The following ARHGEF2 variants were observed in gnomAD, a reference collection of about 807,000 sequenced individuals.
ARHGEF2 encodes Rho/Rac guanine nucleotide exchange factor 2, also known as rho guanine nucleotide exchange factor 2.
ARHGEF2 carries 22 observed loss-of-function variants against 121.0 expected under a neutral mutation model. The ratio of observed to expected loss-of-function variants is 0.18; its 90% confidence interval spans 0.13 to 0.26. ARHGEF2 has a LOEUF of 0.26. Ranked by LOEUF, ARHGEF2 falls within the 10% of genes least tolerant of loss-of-function variation. ARHGEF2 has a pLI of 1.00. For synonymous variants in ARHGEF2, 487 were observed against 530.0 expected (o/e 0.92, Z 1.11); for missense variants, 907 against 1,336.0 (o/e 0.68, Z 5.01).
chr1:155,976,485 G>C (rs1328777486), intron 1 of ARHGEF2, among the ~76,000 whole-genome samples: 2 of 145,612 alleles, frequency 1.4e-5, no homozygotes, highest in Non-Finnish European at 3.0e-5. Context: ...CCCCATAGTA[G>C]AAAGAAGAGC....
upstream of ARHGEF2, chr1:155,978,622 C>A (rs1681781657): frequency 6.4e-6 from 8 of 1,242,438 alleles, no homozygotes; most frequent in South Asian, 1.7e-4. This position sits in a 1 kb window ranked among gnomAD's most constrained non-coding sequence, Gnocchi z 4.1. Context: ...AGGGGGTAGG[C>A]GGAGCGGAGG....
rs1674547032 is a variant in ARHGEF2 at position 155,947,159 on chromosome 1, C to G, written c.*783G>C. 2.8e-6 allele frequency: 1 copy of G among 359,468 alleles called. No homozygotes were observed. Among genetic ancestry groups the G allele is most frequent in the Non-Finnish European group, 5.5e-6 (1 of 182,112 alleles). 22.3% of individuals were successfully genotyped at this position (359,468 alleles called of 1,614,324 possible). A position where few individuals can be genotyped will look rare whatever the true frequency, so the allele number is the denominator to read the frequency against. ...CATTCTCTCCCCCACCCCTCAACTT[C>G]TTCAGAGATGTGGAGATAGGAGGCT... is the stretch of plus-strand genomic sequence containing the variant. On this transcript the variant is annotated 3_prime_UTR_variant, in exon 22 of 22. Transcript: ENST00000361247.
Position 155,965,442 on chromosome 1 carries a change from C to A in ARHGEF2, c.471-30G>T. On this transcript the variant is annotated intron_variant, in intron 5 of 21. Transcript: ENST00000361247. This position sits in a 1 kb window ranked among gnomAD's most constrained non-coding sequence, Gnocchi z 6.0. The stretch of plus-strand genomic sequence containing the variant: ...AGAAAGTGGAGGCTGTCTGCATCAC[C>A]CCCAGTCGGGCAAAAGATCCCTTCC... The A allele has an allele frequency of 6.2e-7, 1 of 1,608,562 alleles. No homozygotes were observed. Among genetic ancestry groups the A allele is most frequent in the East Asian group, 2.2e-5 (1 of 44,828 alleles).
chr1:155,964,176 A>ATATGTG (rs1553244944), intron 7 of ARHGEF2, among the ~76,000 whole-genome samples: 2 of 95,522 alleles, frequency 2.1e-5, no homozygotes, highest in African/African-American at 5.2e-5. Flanking sequence ...AAATATATAT[A>ATATGTG]TATATATATA....
chr1:155,957,674 G>A (rs755771214), intron 13 of ARHGEF2, 39 bp downstream of exon 13: 15 of 1,574,402 alleles, frequency 9.5e-6, no homozygotes, highest in Non-Finnish European at 8.6e-7. Flanking sequence ...CAGGTACCCT[G>A]AGGTCATAAG....
intron 14 of ARHGEF2, among the ~76,000 whole-genome samples, chr1:155,953,811 T>C (rs529386358): frequency 6.6e-6 from 1 of 151,240 alleles, no homozygotes; most frequent in Admixed American, 6.6e-5. Context: ...ATTCCTTTAC[T>C]CCTCCTTGCT....
chr1:155,969,941 T>C, intron 1 of ARHGEF2: 12 of 985,398 alleles, frequency 1.2e-5, no homozygotes, highest in Non-Finnish European at 1.3e-5. Flanking sequence ...ACAGGGCCTG[T>C]CTGGGAGGCA....
chr1:155,948,813 G>A (rs540487087), intron 21 of ARHGEF2, among the ~76,000 whole-genome samples: 67 of 152,002 alleles, frequency 4.4e-4, no homozygotes, highest in Non-Finnish European at 4.6e-4. Context: ...CTGGGTCTCC[G>A]GGTCTCTTTC....
chr1:155,962,513 G>C lies in ARHGEF2; in HGVS notation c.1101+80C>G, dbSNP rs1678174596. The C allele has an allele frequency of 6.4e-7, 1 of 1,574,196 alleles. No individual in the cohort carries two copies. Among genetic ancestry groups the C allele is most frequent in the African/African-American group, 1.3e-5 (1 of 74,104 alleles). On this transcript the variant is annotated intron_variant, in intron 9 of 21. Transcript: ENST00000361247. This position sits in a 1 kb window ranked among gnomAD's most constrained non-coding sequence, Gnocchi z 5.8. Reference sequence around the variant, plus strand: ...GCGAATGCCTGACCTCCATGTGGGTGCAGCTCACAGGCACTACCCCCATGA... The same window carrying C: ...GCGAATGCCTGACCTCCATGTGGGTCCAGCTCACAGGCACTACCCCCATGA...
Position 155,962,049 on chromosome 1 carries a change from T to G in ARHGEF2, c.1219+56A>C. 2 of 1,609,502 alleles carry G rather than the reference T, an allele frequency of 1.2e-6. No individual in the cohort carries two copies. The highest frequency in any genetic ancestry group is 1.7e-6 in the Non-Finnish European group (2 of 1,176,348). On this transcript the variant is annotated intron_variant, in intron 10 of 21. Transcript: ENST00000361247. This position sits in a 1 kb window ranked among gnomAD's most constrained non-coding sequence, Gnocchi z 5.8. ...CCCTTCCTGTGGTCATACCGAGCCT[T>G]TCCTCACCCCAGGTGGCCGTCTCCC... is the stretch of plus-strand genomic sequence containing the variant.
chr1:155,956,291 G>A (rs1435272253), intron 13 of ARHGEF2, among the ~76,000 whole-genome samples: 1 of 151,636 alleles, frequency 6.6e-6, no homozygotes, highest in Non-Finnish European at 1.5e-5. Flanking sequence ...TAGAGACGAG[G>A]TTTCACCATA....
chr1:155,972,266 G>T, intron 1 of ARHGEF2: 1 of 466,996 alleles, frequency 2.1e-6, no homozygotes, highest in South Asian at 1.5e-5. Context: ...CTCTCTCGAA[G>T]TGACCCCTGC....
chr1:155,948,769 C>A (rs1674802872), intron 21 of ARHGEF2, among the ~76,000 whole-genome samples: 1 of 152,316 alleles, frequency 6.6e-6, no homozygotes, highest in South Asian at 2.1e-4. Flanking sequence ...GACCCTCTCT[C>A]TAACATAAAA....
chr1:155,963,167 C>T lies in ARHGEF2; in HGVS notation c.741G>A (p.Glu247=), dbSNP rs760056197. The T allele has an allele frequency of 1.2e-6, 2 of 1,611,424 alleles. No individual in the cohort carries two copies. Among genetic ancestry groups the T allele is most frequent in the South Asian group, 1.1e-5 (1 of 91,064 alleles). Reference sequence around the variant, plus strand: ...TCTTCAGTGTCCTCACATGGTGCAGCTCTGTCTGGATTAGCTCTGTGGGGG... The same window carrying T: ...TCTTCAGTGTCCTCACATGGTGCAGTTCTGTCTGGATTAGCTCTGTGGGGG... ...QDVIYELIQT[E]LHHVRTLKIM... The change falls in exon 8 of 22, where the codon GAG becomes GAA. Residue 247 remains glutamate (E), a synonymous_variant. Transcript: ENST00000361247.
chr1:155,971,795 C>A (rs1015127320), intron 1 of ARHGEF2, among the ~76,000 whole-genome samples: 13 of 151,664 alleles, frequency 8.6e-5, no homozygotes, highest in African/African-American at 2.9e-4. Flanking sequence ...CACCTGTAAT[C>A]CCAGCACTTT....
chr1:155,968,354 G>A (rs1430494632), intron 2 of ARHGEF2: 1 of 152,086 alleles, frequency 6.6e-6, no homozygotes, highest in Non-Finnish European at 1.5e-5. Context: ...TTACAGGCTA[G>A]AGCTTTTGTC....
At chr1:155,967,332 T>C (rs1288874081) in intron 2 of ARHGEF2, among the ~76,000 whole-genome samples, 2 of 152,148 alleles carry the variant, frequency 1.3e-5, no homozygotes, top group Non-Finnish European at 2.9e-5. Context: ...GCTTTTATAA[T>C]AGTAAATGTT....
chr1:155,970,663 G>C (rs533451142), intron 1 of ARHGEF2: 1 of 985,632 alleles, frequency 1.0e-6, no homozygotes, highest in Admixed American at 6.1e-5. Context: ...CCGAGGCCAC[G>C]AGGCCACGCC....
Position 155,946,991 on chromosome 1 carries a change from TGAG to T in ARHGEF2, c.*948_*950del, listed in dbSNP as rs1674527942. Reference sequence around the variant, plus strand: ...ACTGAAAAATCCCCCAAATTCACGCTGAGGTTTCAGGTCATGGTTGCTGAGGTG... The same window carrying T: ...ACTGAAAAATCCCCCAAATTCACGCTGTTTCAGGTCATGGTTGCTGAGGTG... On this transcript the variant is annotated 3_prime_UTR_variant, in exon 22 of 22. Coordinates refer to ENST00000361247, the MANE Select transcript of ARHGEF2 (RefSeq NM_001162383.2). 1 of 152,864 alleles carries T rather than the reference TGAG, an allele frequency of 6.5e-6. No individual in the cohort carries two copies. Among genetic ancestry groups the T allele is most frequent in the Non-Finnish European group, 1.5e-5 (1 of 68,362 alleles). 9.5% of individuals were successfully genotyped at this position (152,864 alleles called of 1,614,324 possible).
Sources: allele counts gnomAD v4.1 joint callset (sites outside exome capture counted in the v4.1 genomes callset), GRCh38; gene constraint gnomAD v4.1.1; non-coding constraint Gnocchi (gnomAD v3.1); transcripts MANE v1.5; gene names NCBI Gene and HGNC (gene_info 2026-07-23, HGNC 2026-07-21).